Variants in ZC3H12B observed in about 807,000 individuals in gnomAD.
ZC3H12B encodes the protein probable ribonuclease ZC3H12B.
In ZC3H12B, 7 loss-of-function variants were observed where a neutral mutation model predicts 43.9. The observed-to-expected ratio is 0.16, with a 90% confidence interval of 0.09 to 0.30. The LOEUF (loss-of-function observed/expected upper bound fraction) is 0.30, where lower values mean the gene tolerates loss of function less well. Ranked by LOEUF, ZC3H12B falls within the 10% of genes least tolerant of loss-of-function variation. The pLI, the probability that ZC3H12B is intolerant of heterozygous loss-of-function variation, is 1.00. For synonymous variants in ZC3H12B, 222 were observed against 241.7 expected, an observed-to-expected ratio of 0.92 and a Z score of 0.76; for missense variants, 475 against 670.2, an observed-to-expected ratio of 0.71 and a Z score of 3.22.
chrX:65,064,221 C>G, the ZC3H12B span, among the ~76,000 whole-genome samples: 1 of 111,460 alleles, frequency 9.0e-6, no homozygotes, highest in East Asian at 2.8e-4. Context: ...TCTTGCTTCT[C>G]TAGTTCTTTT....
chrX:65,160,504 C>A, the ZC3H12B span, among the ~76,000 whole-genome samples: 1 of 111,512 alleles, frequency 9.0e-6, no homozygotes, highest in East Asian at 2.8e-4. Flanking sequence ...TTGTATGTGT[C>A]GAGGAATTTA....
the ZC3H12B span, among the ~76,000 whole-genome samples, chrX:65,253,370 G>A: frequency 8.9e-6 from 1 of 112,302 alleles, no homozygotes; most frequent in Non-Finnish European, 1.9e-5. Flanking sequence ...GTAGAATACT[G>A]GCAGCAGGAG....
chrX:65,123,000 G>C, the ZC3H12B span, among the ~76,000 whole-genome samples: 1 of 111,766 alleles, frequency 8.9e-6, no homozygotes, highest in African/African-American at 3.2e-5. Flanking sequence ...AACAAGTCTT[G>C]TGCCAGTTTT....
chrX:65,272,424 C>G, the ZC3H12B span: 1 of 111,447 alleles, frequency 9.0e-6, no homozygotes, highest in East Asian at 2.8e-4. Flanking sequence ...ATTTGTAAAA[C>G]AATTGGAAAC....
chrX:65,361,304 T>C, the ZC3H12B span, among the ~76,000 whole-genome samples: 1 of 112,017 alleles, frequency 8.9e-6, no homozygotes, highest in South Asian at 3.7e-4. Flanking sequence ...TCATGACTGA[T>C]TGTTGATTTT....
At chrX:65,261,817 T>G in the ZC3H12B span, among the ~76,000 whole-genome samples, 1 of 110,871 alleles carries the variant, frequency 9.0e-6, no homozygotes, top group South Asian at 3.7e-4. Context: ...GTAGTAAATA[T>G]CTAGATATGT....
chrX:65,142,090 A>G, the ZC3H12B span, among the ~76,000 whole-genome samples: 2 of 111,869 alleles, frequency 1.8e-5, no homozygotes, highest in Non-Finnish European at 3.8e-5. Context: ...AATCTCTACA[A>G]TTTTCCATAG....
chrX:65,448,983 A>AAGAAAAAGAAAGAAAGAAAGAAAGAAAG lies in ZC3H12B; in HGVS notation n.408-39658_408-39657insAAGAAAGAAAGAAAGAAAGAAAGAGAAA, dbSNP rs2067426280. On this transcript the variant is annotated intron_variant and non_coding_transcript_variant, in intron 3 of 5. Transcript: ENST00000617377. ...AGAAAGAAAGAAAGAAAGAAAGAGA[A>AAGAAAAAGAAAGAAAGAAAGAAAGAAAG]AGAAAGAAAGAGAGGAAAGAAAGAA... 1.5e-3 allele frequency among the ~76,000 whole-genome samples: 139 copies of AAGAAAAAGAAAGAAAGAAAGAAAGAAAG among 95,249 alleles called. 2 individuals are homozygous for AAGAAAAAGAAAGAAAGAAAGAAAGAAAG. Among genetic ancestry groups the AAGAAAAAGAAAGAAAGAAAGAAAGAAAG allele is most frequent in the African/African-American group, 6.9e-3 (136 of 19,700 alleles). 82.7% of individuals were successfully genotyped at this position (95,249 alleles called of 115,157 possible). A position where few individuals can be genotyped will look rare whatever the true frequency, so the allele number is the denominator to read the frequency against.
the ZC3H12B span, among the ~76,000 whole-genome samples, chrX:65,319,818 AC>A: frequency 3.6e-5 from 4 of 111,740 alleles, no homozygotes; most frequent in South Asian, 3.8e-4. Context: ...ACTAAAAAAA[AC>A]ACCACATGAT....
the ZC3H12B span, among the ~76,000 whole-genome samples, chrX:65,095,696 A>G: frequency 2.2e-4 from 25 of 111,911 alleles, no homozygotes; most frequent in African/African-American, 8.1e-4. Context: ...CTGAAGAGCA[A>G]CTGTTTTACC....
At chrX:65,158,027 G>C in the ZC3H12B span, among the ~76,000 whole-genome samples, 6 of 102,872 alleles carry the variant, frequency 5.8e-5, no homozygotes, top group African/African-American at 1.7e-4. Context: ...GCTGTGTTTG[G>C]TTTTTTGCCC....
intron 3 of ZC3H12B, among the ~76,000 whole-genome samples, chrX:65,440,316 A>T (rs1262623485): frequency 1.8e-5 from 2 of 112,464 alleles, no homozygotes; most frequent in African/African-American, 6.5e-5. Flanking sequence ...GCAATTGGAT[A>T]AATAAAGTCA....
the ZC3H12B span, among the ~76,000 whole-genome samples, chrX:65,201,088 T>G: frequency 8.9e-6 from 1 of 111,952 alleles, no homozygotes; most frequent in Admixed American, 9.5e-5. Context: ...TTGTTTCAAT[T>G]TTTTTGGAAT....
At chrX:65,212,477 A>T in the ZC3H12B span, among the ~76,000 whole-genome samples, 12 of 67,911 alleles carry the variant, frequency 1.8e-4, no homozygotes, top group African/African-American at 7.5e-4. Flanking sequence ...TAATTATATA[A>T]ATAATATATA....
At chrX:65,076,531 C>T in the ZC3H12B span, among the ~76,000 whole-genome samples, 1 of 111,502 alleles carries the variant, frequency 9.0e-6, no homozygotes, top group East Asian at 2.8e-4. Context: ...ACACAGTTGT[C>T]CTGTCTTTTG....
chrX:65,201,171 G>A, the ZC3H12B span, among the ~76,000 whole-genome samples: 2 of 111,251 alleles, frequency 1.8e-5, no homozygotes, highest in African/African-American at 6.5e-5. Context: ...TTGTGGTCCT[G>A]GGCTATTTTA....
chrX:65,156,322 T>C, the ZC3H12B span, among the ~76,000 whole-genome samples: 1 of 111,428 alleles, frequency 9.0e-6, no homozygotes, highest in Non-Finnish European at 1.9e-5. Context: ...CATCTCAGCC[T>C]CTCGAGCAGC....
chrX:65,190,950 C>T, the ZC3H12B span, among the ~76,000 whole-genome samples: 1 of 96,359 alleles, frequency 1.0e-5, no homozygotes, highest in African/African-American at 4.4e-5. Flanking sequence ...ATAGATAGCT[C>T]TTATTATTTT....
chrX:65,353,423 C>G, the ZC3H12B span, among the ~76,000 whole-genome samples: 1 of 111,528 alleles, frequency 9.0e-6, no homozygotes, highest in African/African-American at 3.3e-5. Context: ...GTCAGTCGCA[C>G]GTCTCTAACC....
Sources: allele counts gnomAD v4.1 joint callset (sites outside exome capture counted in the v4.1 genomes callset), GRCh38; gene constraint gnomAD v4.1.1; transcripts MANE v1.5; gene names NCBI Gene and HGNC (gene_info 2026-07-23, HGNC 2026-07-21).